The following PAPOLA variants were observed in gnomAD, a reference collection of about 807,000 sequenced individuals.
PAPOLA encodes polynucleotide adenylyltransferase alpha.
Under a neutral mutation model 100.6 loss-of-function variants are expected in PAPOLA, and 15 were observed. The observed-to-expected ratio is 0.15, with a 90% confidence interval of 0.10 to 0.23. The LOEUF (loss-of-function observed/expected upper bound fraction) is 0.23, where lower values mean the gene tolerates loss of function less well. Among genes scored for constraint, PAPOLA ranks in the 10% least tolerant of loss-of-function variants. PAPOLA has a pLI of 1.00. For missense variants in PAPOLA, 533 were observed against 884.2 expected, an observed-to-expected ratio of 0.60 and a Z score of 5.04; for synonymous variants, 293 against 300.0, an observed-to-expected ratio of 0.98 and a Z score of 0.24.
intron 19 of PAPOLA, among the ~76,000 whole-genome samples, chr14:96,558,001 G>A (rs1014067543): frequency 6.6e-6 from 1 of 151,770 alleles, no homozygotes. Flanking sequence ...GGTTGAATTC[G>A]CAGATATGGA....
At chr14:96,507,824 T>C (rs535501412) in intron 1 of PAPOLA, among the ~76,000 whole-genome samples, 3 of 152,146 alleles carry the variant, frequency 2.0e-5, no homozygotes, top group Non-Finnish European at 4.4e-5. Context: ...CAAGATGAAG[T>C]AGACTTTTCA....
In PAPOLA at chr14:96,565,352, G is replaced by A. The variant is rs1481189714; in HGVS notation, c.*302G>A. The A allele has an allele frequency of 1.3e-5, 4 of 310,102 alleles. No homozygotes were observed. Among genetic ancestry groups the A allele is most frequent in the Non-Finnish European group, 2.4e-5 (4 of 169,710 alleles). 19.2% of individuals were successfully genotyped at this position (310,102 alleles called of 1,614,324 possible). A position where few individuals can be genotyped will look rare whatever the true frequency, so the allele number is the denominator to read the frequency against. On this transcript the variant is annotated 3_prime_UTR_variant, in exon 22 of 22. Coordinates refer to ENST00000216277, the MANE Select transcript of PAPOLA (RefSeq NM_032632.5). ...TAATTGACATCTGGATTGGGTTTAT[G>A]TTTGATGCATTGTTTGGAAAATTTG...
At chr14:96,525,519 T>C (rs1279021065) in intron 4 of PAPOLA, 128 bp downstream of exon 4, 2 of 505,706 alleles carry the variant, frequency 4.0e-6, no homozygotes, top group African/African-American at 2.0e-5. Context: ...TTGAGGAGTC[T>C]AAATTTTTCA....
In PAPOLA at chr14:96,532,474, A is replaced by C. The variant is rs199869585; in HGVS notation, c.698-37A>C. ...TTAAAAATGTTCAAACTTTTGTTCAACACTAACTTATCTTTTTGCTTTTCC... is the reference window on the plus strand; with the variant it reads ...TTAAAAATGTTCAAACTTTTGTTCACCACTAACTTATCTTTTTGCTTTTCC... On this transcript the variant is annotated intron_variant, in intron 8 of 21. Coordinates refer to ENST00000216277, the MANE Select transcript of PAPOLA (RefSeq NM_032632.5). 3 of 1,606,600 alleles carry C rather than the reference A, an allele frequency of 1.9e-6. No homozygotes were observed. The African/African-American group carries it at 4.0e-5, about 22-fold the overall frequency.
At position 96,566,237 on chromosome 14, in the gene PAPOLA, A is replaced by G. The variant is rs1902260120; in HGVS notation, c.*1187A>G. 3.9e-6 allele frequency: 1 copy of G among 254,482 alleles called. No homozygotes were observed. The highest frequency in any genetic ancestry group is 7.4e-6 in the Non-Finnish European group (1 of 134,822). The allele number at this position is 254,482 out of a possible 1,614,324, so 15.8% of individuals were successfully genotyped here. A position where few individuals can be genotyped will look rare whatever the true frequency, so the allele number is the denominator to read the frequency against. Reference sequence around the variant, plus strand: ...AAATTTGTCAGTACATTTTACGTGTAGAAGCATTTTAAAAATCATTTCTAG... The same window carrying G: ...AAATTTGTCAGTACATTTTACGTGTGGAAGCATTTTAAAAATCATTTCTAG... On this transcript the variant is annotated 3_prime_UTR_variant, in exon 22 of 22. Coordinates refer to ENST00000216277, the MANE Select transcript of PAPOLA (RefSeq NM_032632.5).
At position 96,562,801 on chromosome 14, in the gene PAPOLA, A is replaced by G. The variant is rs373978600; in HGVS notation, c.2068-18A>G. The stretch of plus-strand genomic sequence containing the variant: ...TTTAAGTCTCTTTTCCCCCTTCCCC[A>G]TCCTCTTTGTCTCACAGGAACAACT... On this transcript the variant is annotated intron_variant, in intron 20 of 21. Transcript: ENST00000216277. 2 of 1,522,256 alleles carry G rather than the reference A, an allele frequency of 1.3e-6. No homozygotes were observed. The highest frequency in any genetic ancestry group is 1.4e-5 in the African/African-American group (1 of 72,642). The allele number at this position is 1,522,256 out of a possible 1,614,324, so 94.3% of individuals were successfully genotyped here. A position where few individuals can be genotyped will look rare whatever the true frequency, so the allele number is the denominator to read the frequency against.
intron 1 of PAPOLA, among the ~76,000 whole-genome samples, chr14:96,508,510 C>T (rs1896887631): frequency 6.6e-6 from 1 of 152,188 alleles, no homozygotes; most frequent in South Asian, 2.1e-4. Context: ...GTTCCTATCC[C>T]TGATTGTTTT....
chr14:96,516,272 T>C (rs920823057), intron 1 of PAPOLA, among the ~76,000 whole-genome samples: 1 of 152,188 alleles, frequency 6.6e-6, no homozygotes, highest in Non-Finnish European at 1.5e-5. Context: ...TTTCAGAGTA[T>C]GCATTTGTTT....
Position 96,544,163 on chromosome 14 carries a change from C to G in PAPOLA, c.1304C>G (p.Thr435Arg). 6.3e-7 allele frequency: 1 copy of G among 1,598,766 alleles called. No individual in the cohort carries two copies. The highest frequency in any genetic ancestry group is 2.2e-5 in the East Asian group (1 of 44,754). The change falls in exon 15 of 22, where the codon ACG becomes AGG. Residue 435 changes from threonine to arginine, a missense_variant. Coordinates refer to ENST00000216277, the MANE Select transcript of PAPOLA (RefSeq NM_032632.5). ...CTTCTTTGCAGGGAAGAATTTCGCACGATGTGGGTGATTGGGTTAGTGTTT... is the reference window on the plus strand; with the variant it reads ...CTTCTTTGCAGGGAAGAATTTCGCAGGATGTGGGTGATTGGGTTAGTGTTT... ...KENPDKEEFR[T>R]MWVIGLVFKK...
At chr14:96,504,379 A>C (rs546395152) in intron 1 of PAPOLA, 1 of 152,218 alleles carries the variant, frequency 6.6e-6, no homozygotes, top group Non-Finnish European at 1.5e-5. Flanking sequence ...AGGTATTTCA[A>C]ATTCTTCGCG....
intron 11 of PAPOLA, 164 bp from the exon 12 acceptor site, chr14:96,536,812 T>A (rs948160621): frequency 3.2e-5 from 14 of 439,568 alleles, no homozygotes; most frequent in African/African-American, 1.3e-4. Flanking sequence ...AAAAAAAAAA[T>A]GTGTATATAT....
intron 16 of PAPOLA, among the ~76,000 whole-genome samples, chr14:96,549,019 C>T (rs1479390317): frequency 6.6e-6 from 1 of 152,014 alleles, no homozygotes; most frequent in Non-Finnish European, 1.5e-5. Context: ...TTGTCTCATC[C>T]CTAAAATTGT....
At position 96,562,902 on chromosome 14, in the gene PAPOLA, T is replaced by A. The variant is rs1901979988; in HGVS notation, c.2142+9T>A. 1 of 1,582,852 alleles carries A rather than the reference T, an allele frequency of 6.3e-7. No individual in the cohort carries two copies. The highest frequency in any genetic ancestry group is 8.7e-7 in the Non-Finnish European group (1 of 1,153,570). ...CTCTGTTGGCCTCTCAGGTACTAAG[T>A]GCAAAAAGCAAGGAGAATTTTGTAA... is the stretch of plus-strand genomic sequence containing the variant. On this transcript the variant is annotated intron_variant, in intron 21 of 21. Coordinates refer to ENST00000216277, the MANE Select transcript of PAPOLA (RefSeq NM_032632.5).
At position 96,510,700 on chromosome 14, in the gene PAPOLA, A is replaced by G. The variant is rs78680493; in HGVS notation, c.8+8100A>G. Among the ~76,000 whole-genome samples the G allele has an allele frequency of 1.4e-4, 22 of 152,326 alleles. 1 individual carries two copies. In the East Asian group the frequency reaches 3.1e-3, roughly 21 times the overall value. ...TGAGCCTCTGCTGCTGCTTTACTAAATATTGGCTGGATGGCCCACCTGCAG... is the reference window on the plus strand; with the variant it reads ...TGAGCCTCTGCTGCTGCTTTACTAAGTATTGGCTGGATGGCCCACCTGCAG... On this transcript the variant is annotated intron_variant, in intron 1 of 21. Transcript: ENST00000216277.
intron 18 of PAPOLA, 82 bp from the exon 19 acceptor site, chr14:96,556,093 C>A: frequency 7.8e-7 from 1 of 1,286,402 alleles, no homozygotes; most frequent in South Asian, 1.3e-5. Context: ...TTCATGAAAT[C>A]AAATTCAGAG....
At chr14:96,518,209 A>ATAGATGACACGCAGTCCAGCAGCTAAT (rs1897628131) in intron 1 of PAPOLA, among the ~76,000 whole-genome samples, 2 of 152,240 alleles carry the variant, frequency 1.3e-5, no homozygotes, top group East Asian at 1.9e-4. Flanking sequence ...GCAACAGTAA[A>ATAGATGACACGCAGTCCAGCAGCTAAT]TAGATGACAC....
chr14:96,558,039 A>G (rs1901511875), intron 19 of PAPOLA, among the ~76,000 whole-genome samples: 1 of 152,160 alleles, frequency 6.6e-6, no homozygotes, highest in Non-Finnish European at 1.5e-5. Flanking sequence ...GCCCACTGTA[A>G]ATAATCATAA....
intron 1 of PAPOLA, among the ~76,000 whole-genome samples, chr14:96,509,432 G>A (rs1280456): frequency 1 from 152,056 of 152,356 alleles, 75,883 homozygotes; most frequent in Middle Eastern, 1. Context: ...TAATAAAAAT[G>A]TATACAAAAG....
rs921479236 is a variant in PAPOLA at position 96,534,698 on chromosome 14, ACCTCAACTATAATTGT to A, written c.909+151_909+166del. ...TCCGTATTACACTTTCTTTTAGATA[ACCTCAACTATAATTGT>A]CCTCAACTATAATTGATGTGAGAAG... On this transcript the variant is annotated intron_variant, in intron 10 of 21. Coordinates refer to ENST00000216277, the MANE Select transcript of PAPOLA (RefSeq NM_032632.5). 13 of 1,492,242 alleles carry A rather than the reference ACCTCAACTATAATTGT, an allele frequency of 8.7e-6. No individual in the cohort carries two copies. The African/African-American group carries it at 1.4e-4, about 16-fold the overall frequency. 92.4% of individuals were successfully genotyped at this position (1,492,242 alleles called of 1,614,324 possible).
Sources: gnomAD v4.1 joint callset for allele counts (sites outside exome capture counted in the v4.1 genomes callset) on GRCh38, gnomAD v4.1.1 for gene constraint, MANE v1.5 for transcripts, NCBI Gene and HGNC (gene_info 2026-07-23, HGNC 2026-07-21) for gene names.